The following SRRM1 variants were observed in gnomAD, a reference collection of about 807,000 sequenced individuals.
The protein encoded by SRRM1 is serine/arginine repetitive matrix protein 1.
SRRM1 carries 19 observed loss-of-function variants against 110.2 expected under a neutral mutation model. That is an observed-to-expected ratio of 0.17 (90% CI 0.12 to 0.25). The LOEUF is 0.25. Ranked by LOEUF, SRRM1 falls within the 10% of genes least tolerant of loss-of-function variation. SRRM1 has a pLI of 1.00. For missense variants in SRRM1, 918 were observed against 1,145.8 expected (o/e 0.80, Z 2.87); for synonymous variants, 443 against 414.9 (o/e 1.07, Z -0.82).
intron 12 of SRRM1, among the ~76,000 whole-genome samples, chr1:24,665,029 C>T (rs964650455): frequency 6.6e-6 from 1 of 152,198 alleles, no homozygotes; most frequent in South Asian, 2.1e-4. Context: ...AGTTATATAC[C>T]AGCAGCTTCA....
In SRRM1 at chr1:24,654,807, G is replaced by A. The variant is rs539296769; in HGVS notation, c.1041-48G>A. ...GTAAACTGTTCATACCTGTAAGGCC[G>A]TTCTTTATAAGTGTGCAATTAGTGA... On this transcript the variant is annotated intron_variant, in intron 8 of 16. Transcript: ENST00000323848. 6.8e-6 allele frequency: 11 copies of A among 1,607,366 alleles called. No individual in the cohort carries two copies. The Admixed American group carries it at 8.4e-5, about 12-fold the overall frequency.
intron 3 of SRRM1, 192 bp downstream of exon 3, chr1:24,646,981 A>G (rs1658046720): frequency 4.6e-6 from 2 of 433,342 alleles, no homozygotes; most frequent in Non-Finnish European, 8.0e-6. Context: ...AAAGCTACAC[A>G]GGTGAAAAAT....
chr1:24,652,029 AATATATATATATATATATATATAT>A (rs1215778545), intron 6 of SRRM1, among the ~76,000 whole-genome samples: 2 of 79,868 alleles, frequency 2.5e-5, no homozygotes, highest in South Asian at 5.1e-4. Flanking sequence ...CTGTACTAAA[AATATATATATATATATATATATAT>A]ATATATATAT....
At position 24,662,672 on chromosome 1, in the gene SRRM1, C is replaced by T; in HGVS notation, c.1496C>T (p.Ser499Phe). 1 of 1,613,844 alleles carries T rather than the reference C, an allele frequency of 6.2e-7. No individual in the cohort carries two copies. The highest frequency in any genetic ancestry group is 8.5e-7 in the Non-Finnish European group (1 of 1,179,908). The change falls in exon 12 of 17, where the codon TCC becomes TTC. Residue 499 changes from serine (S) to phenylalanine (F), a missense_variant. Ser to Phe is a radical substitution (Grantham distance 155). Coordinates refer to ENST00000323848, the MANE Select transcript of SRRM1 (RefSeq NM_005839.4). ...TTTGTAATTATAGACTCTGGCTCCT[C>T]CTCCTCCTCAGAAGATGAACGACCC... ...NQQSSSDSGS[S>F]SSSEDERPKR...
intron 14 of SRRM1, 24 bp from the exon 15 acceptor site, chr1:24,670,096 G>A: frequency 6.5e-7 from 1 of 1,532,136 alleles, no homozygotes; most frequent in Non-Finnish European, 8.8e-7. Flanking sequence ...TCTCAATGCT[G>A]AATGTTTTTT....
At chr1:24,643,556 C>A (rs954211265) in intron 1 of SRRM1, 1 of 436,908 alleles carries the variant, frequency 2.3e-6, no homozygotes, top group East Asian at 3.6e-5. Context: ...AATGGTCCCC[C>A]CTACGCGGCG....
chr1:24,656,469 T>C (rs1486344124), intron 9 of SRRM1, among the ~76,000 whole-genome samples: 1 of 152,238 alleles, frequency 6.6e-6, no homozygotes, highest in Non-Finnish European at 1.5e-5. Context: ...CCAGGTTCAG[T>C]CCTCAGTTTG....
intron 12 of SRRM1, among the ~76,000 whole-genome samples, chr1:24,663,456 A>G (rs1279562944): frequency 6.6e-6 from 1 of 152,138 alleles, no homozygotes; most frequent in African/African-American, 2.4e-5. Flanking sequence ...TAGATTTTTA[A>G]TATCTGGTTG....
chr1:24,672,229 C>T lies in SRRM1; in HGVS notation c.2658C>T (p.His886=), dbSNP rs752270730. 4 of 1,611,122 alleles carry T rather than the reference C, an allele frequency of 2.5e-6. No individual in the cohort carries two copies. In the South Asian group the frequency reaches 4.4e-5, roughly 18 times the overall value. The change falls in exon 17 of 17, where the codon CAC becomes CAT. Residue 886 remains histidine, a synonymous_variant. Transcript: ENST00000323848. Reference sequence around the variant, plus strand: ...ATAACCTTGATGATTTAGAAAAGCACCTGCGTGAAAAGGCCCTGAGATCAA... The same window carrying T: ...ATAACCTTGATGATTTAGAAAAGCATCTGCGTGAAAAGGCCCTGAGATCAA... The part of the protein sequence containing the change: ...AEDNLDDLEK[H]LREKALRSMR...
In SRRM1 at chr1:24,671,512, G is replaced by C. The variant is rs1292840611; in HGVS notation, c.2527G>C (p.Ala843Pro). 6.2e-6 allele frequency: 10 copies of C among 1,612,972 alleles called. No homozygotes were observed. The highest frequency in any genetic ancestry group is 8.5e-6 in the Non-Finnish European group (10 of 1,179,690). The change falls in exon 16 of 17, where the codon GCT (alanine) becomes CCT (proline). Residue 843 changes from alanine (A) to proline (P), a missense_variant. Around this residue, in one of 5 missense-constraint regions of SRRM1, gnomAD observed 62 missense variants for 127.6 expected, o/e 0.49. Coordinates refer to ENST00000323848, the MANE Select transcript of SRRM1 (RefSeq NM_005839.4). Reference protein sequence around the residue: ...KEKAVAAAAAAAVTPAAIAAA... With the variant: ...KEKAVAAAAAPAVTPAAIAAA... ...AAAGGCTGTGGCTGCAGCTGCTGCA[G>C]CTGCTGTGACCCCTGCAGCCATTGC...
In SRRM1 at chr1:24,654,998, C is replaced by T. The variant is rs1219299808; in HGVS notation, c.1184C>T (p.Pro395Leu). The change falls in exon 9 of 17, where the codon CCA becomes CTA. Residue 395 changes from proline (P) to leucine (L), a missense_variant. Pro to Leu is a moderately conservative substitution (Grantham distance 98, BLOSUM62 -3). This residue lies in a region of SRRM1 where 456 missense variants were observed against 453.5 expected (regional missense o/e 1.01). Transcript: ENST00000323848. ...AGGTTATCTCCTTCAGCAAGTCCTC[C>T]AAGGCGAAGGCACAGGCCATCACCT... is the stretch of plus-strand genomic sequence containing the variant. Reference protein sequence around the residue: ...TRRLSPSASPPRRRHRPSPPA... With the variant: ...TRRLSPSASPLRRRHRPSPPA... 6.2e-7 allele frequency: 1 copy of T among 1,614,218 alleles called. No individual in the cohort carries two copies. Among genetic ancestry groups the T allele is most frequent in the Non-Finnish European group, 8.5e-7 (1 of 1,180,034 alleles).
In SRRM1 at chr1:24,653,849, G is replaced by A. The variant is rs145023941; in HGVS notation, c.1040+817G>A. Among the ~76,000 whole-genome samples, 180 of 152,228 alleles carry A rather than the reference G, an allele frequency of 1.2e-3. 1 individual carries two copies. The highest frequency in any genetic ancestry group is 3.9e-3 in the African/African-American group (163 of 41,540). Reference sequence around the variant, plus strand: ...ATTTTGGACAGAATTTTTTGTTTGAGTCTTTTAAAGTTCTTTTCAGGGAAC... The same window carrying A: ...ATTTTGGACAGAATTTTTTGTTTGAATCTTTTAAAGTTCTTTTCAGGGAAC... On this transcript the variant is annotated intron_variant, in intron 8 of 16. Coordinates refer to ENST00000323848, the MANE Select transcript of SRRM1 (RefSeq NM_005839.4).
Position 24,652,571 on chromosome 1 carries a change from C to A in SRRM1, c.863C>A (p.Thr288Lys). ...TCACGCTCCAAATCAAGATCCCGGA[C>A]GCGGTCCCGCTCTCCTTCTCACACT... ...SRSRSKSRSR[T>K]RSRSPSHTRP... The change falls in exon 7 of 17, where the codon ACG becomes AAG. Residue 288 changes from threonine to lysine, a missense_variant. By Grantham distance (78) the Thr-to-Lys change is moderately conservative. Coordinates refer to ENST00000323848, the MANE Select transcript of SRRM1 (RefSeq NM_005839.4). 1 of 1,613,822 alleles carries A rather than the reference C, an allele frequency of 6.2e-7. No homozygotes were observed.
intron 8 of SRRM1, 35 bp downstream of exon 8, chr1:24,653,067 T>G (rs1227594367): frequency 6.3e-7 from 1 of 1,594,560 alleles, no homozygotes; most frequent in African/African-American, 1.3e-5. Context: ...GTCAAGTGTT[T>G]GACACTTCTG....
chr1:24,654,331 G>T (rs1463886412), intron 8 of SRRM1: 1 of 1,289,706 alleles, frequency 7.8e-7, no homozygotes, highest in East Asian at 5.5e-5. Flanking sequence ...TCCGCCAAAG[G>T]TGAATTCTGC....
At chr1:24,652,036 A>ATATATATATG (rs1443871133) in intron 6 of SRRM1, among the ~76,000 whole-genome samples, 1 of 110,782 alleles carries the variant, frequency 9.0e-6, no homozygotes. Context: ...AAAAATATAT[A>ATATATATATG]TATATATATA....
At chr1:24,646,896 A>C in intron 3 of SRRM1, 107 bp downstream of exon 3, 1 of 909,994 alleles carries the variant, frequency 1.1e-6, no homozygotes. Flanking sequence ...GTTATTTTAC[A>C]ATGTTTGTTG....
chr1:24,651,916 G>A (rs1248000834), intron 6 of SRRM1, among the ~76,000 whole-genome samples: 1 of 150,044 alleles, frequency 6.7e-6, no homozygotes, highest in Non-Finnish European at 1.5e-5. Context: ...GCCAGATGCG[G>A]GGGTGCATGC....
chr1:24,669,306 C>T lies in SRRM1; in HGVS notation c.1923C>T (p.Pro641=), dbSNP rs768810030. The change falls in exon 14 of 17, where the codon CCC becomes CCT. Residue 641 remains proline (P), a synonymous_variant. Coordinates refer to ENST00000323848, the MANE Select transcript of SRRM1 (RefSeq NM_005839.4). ...PKRRVSHSPP[P]KQRSSPVTKR... is the part of the protein sequence containing the mutation. ...GGCGGGTCTCCCATTCTCCACCTCC[C>T]AAACAAAGAAGCTCCCCAGTCACCA... The T allele has an allele frequency of 6.2e-7, 1 of 1,614,142 alleles. No individual in the cohort carries two copies. The highest frequency in any genetic ancestry group is 1.1e-5 in the South Asian group (1 of 91,084).
Sources: allele counts gnomAD v4.1 joint callset (sites outside exome capture counted in the v4.1 genomes callset), GRCh38; gene constraint gnomAD v4.1.1; regional missense constraint gnomAD v4.1.1; transcripts MANE v1.5; gene names NCBI Gene and HGNC (gene_info 2026-07-23, HGNC 2026-07-21).